LDLRAD1: variants seen among roughly 807,000 people sequenced by gnomAD.
LDLRAD1 encodes the protein low density lipoprotein receptor class A domain containing 1, also known as low-density lipoprotein receptor class A domain-containing protein 1.
A neutral mutation model predicts 24.8 loss-of-function variants in LDLRAD1; 17 were observed. The observed-to-expected ratio is 0.69, with a 90% CI of 0.47 to 1.03. The LOEUF is 1.03. LDLRAD1 is among the 50% of genes least tolerant of loss of function. The pLI, the probability that LDLRAD1 is intolerant of heterozygous loss-of-function variation, is 0.00. For missense variants in LDLRAD1, 277 were observed against 271.0 expected (o/e 1.02, Z -0.16); for synonymous variants, 103 against 108.2 (o/e 0.95, Z 0.30).
At chr1:54,013,765 C>G (rs556137105) in intron 3 of LDLRAD1, among the ~76,000 whole-genome samples, 1 of 152,278 alleles carries the variant, frequency 6.6e-6, no homozygotes, top group Admixed American at 6.5e-5. Context: ...AGACGGCTCT[C>G]GGAACAGTTA....
intron 4 of LDLRAD1, among the ~76,000 whole-genome samples, chr1:54,010,618 T>C (rs1396592299): frequency 6.6e-6 from 1 of 151,930 alleles, no homozygotes; most frequent in East Asian, 1.9e-4. Flanking sequence ...GGCCCAGAGA[T>C]CTGCCCCTCC....
In LDLRAD1 at chr1:54,008,735, A is replaced by G. The variant is rs557850816; in HGVS notation, c.*247T>C. 8.4e-5 allele frequency: 35 copies of G among 418,172 alleles called. No homozygotes were observed. The highest frequency in any genetic ancestry group is 1.4e-4 in the Non-Finnish European group (33 of 229,814). The allele number at this position is 418,172 out of a possible 1,614,324, so 25.9% of individuals were successfully genotyped here. A position where few individuals can be genotyped will look rare whatever the true frequency, so the allele number is the denominator to read the frequency against. On this transcript the variant is annotated 3_prime_UTR_variant, in exon 6 of 6. Coordinates refer to ENST00000371360, the MANE Select transcript of LDLRAD1 (RefSeq NM_001010978.4). Reference sequence around the variant, plus strand: ...TGGCTAATTTTTGTATTTTTGGTAGAGACGGGGTTCCACCACATCATCTTT... The same window carrying G: ...TGGCTAATTTTTGTATTTTTGGTAGGGACGGGGTTCCACCACATCATCTTT...
At position 54,010,404 on chromosome 1, in the gene LDLRAD1, A is replaced by G. The variant is rs1656000882; in HGVS notation, c.347T>C (p.Val116Ala). 1 of 1,613,844 alleles carries G rather than the reference A, an allele frequency of 6.2e-7. No individual in the cohort carries two copies. Among genetic ancestry groups the G allele is most frequent in the South Asian group, 1.1e-5 (1 of 91,086 alleles). ...AAGGAAGTGGGGGAGGCTCTGGGGC[A>G]CATCTCCTGTAGAGGTACAGAGGAG... The part of the protein sequence containing the change: ...EDEDESLCRD[V>A]PQSLPHFLVA... Residue 116 changes from valine to alanine, a missense_variant, in exon 5 of 6, where the codon GTG becomes GCG. Physicochemically the swap from Val to Ala is moderately conservative, Grantham distance 64. Coordinates refer to ENST00000371360, the MANE Select transcript of LDLRAD1 (RefSeq NM_001010978.4).
In LDLRAD1 at chr1:54,009,047, G is replaced by A. The variant is rs1655931592; in HGVS notation, c.553C>T (p.Leu185Phe). 1 of 1,613,980 alleles carries A rather than the reference G, an allele frequency of 6.2e-7. No individual in the cohort carries two copies. Among genetic ancestry groups the A allele is most frequent in the African/African-American group, 1.3e-5 (1 of 74,910 alleles). Residue 185 changes from leucine (L) to phenylalanine (F), a missense_variant, in exon 6 of 6, where the codon CTC (leucine) becomes TTC (phenylalanine). Transcript: ENST00000371360. Reference sequence around the variant, plus strand: ...CAGTGCTGTACATGGTCGCGGCAGAGATGCCTCGGTATACAGTCGCAGTAC... The same window carrying A: ...CAGTGCTGTACATGGTCGCGGCAGAAATGCCTCGGTATACAGTCGCAGTAC... ...FKYCDCIPRH[L>F]CRDHVQHCSD...
In LDLRAD1 at chr1:54,017,357, A is replaced by AG. The variant is rs1557665148; in HGVS notation, c.73+18dup. 6.3e-7 allele frequency: 1 copy of AG among 1,587,910 alleles called. No individual in the cohort carries two copies. Among genetic ancestry groups the AG allele is most frequent in the African/African-American group, 1.3e-5 (1 of 74,462 alleles). ...GGGAGCCCCACAGGGCACTGGCCCCAGGCCCTCCAGTTCTTTACCTTCCCC... is the reference window on the plus strand; with the variant it reads ...GGGAGCCCCACAGGGCACTGGCCCCAGGGCCCTCCAGTTCTTTACCTTCCCC... On this transcript the variant is annotated intron_variant, in intron 2 of 5. Coordinates refer to ENST00000371360, the MANE Select transcript of LDLRAD1 (RefSeq NM_001010978.4).
At chr1:54,014,646 C>T (rs1278622915) in intron 2 of LDLRAD1, among the ~76,000 whole-genome samples, 1 of 147,302 alleles carries the variant, frequency 6.8e-6, no homozygotes, top group Non-Finnish European at 1.5e-5. Context: ...CAGGAGACTT[C>T]CTCAGGACGC....
In LDLRAD1 at chr1:54,008,164, A is replaced by G. The variant is rs578180799; in HGVS notation, c.*818T>C. 2.6e-5 allele frequency: 4 copies of G among 152,242 alleles called. No individual in the cohort carries two copies. The highest frequency in any genetic ancestry group is 5.9e-5 in the Non-Finnish European group (4 of 68,088). 9.4% of individuals were successfully genotyped at this position (152,242 alleles called of 1,614,324 possible). A position where few individuals can be genotyped will look rare whatever the true frequency, so the allele number is the denominator to read the frequency against. ...AAGCTGCTCTTTCTCCAGATCTTCT[A>G]TTCTACAGCTCAGAGCTTCCTGGGG... On this transcript the variant is annotated 3_prime_UTR_variant, in exon 6 of 6. Coordinates refer to ENST00000371360, the MANE Select transcript of LDLRAD1 (RefSeq NM_001010978.4).
In LDLRAD1 at chr1:54,009,133, G is replaced by T. The variant is rs1023053199; in HGVS notation, c.470-3C>A. On this transcript the variant is annotated splice_region_variant and splice_polypyrimidine_tract_variant and intron_variant, in intron 5 of 5. Transcript: ENST00000371360. ...GCCGCAGGGTGGGCACACAGTTACT[G>T]CAGAGACAAGAGCCAGCAGGAGAGC... 1.9e-6 allele frequency: 3 copies of T among 1,613,500 alleles called. No homozygotes were observed. Among genetic ancestry groups the T allele is most frequent in the Non-Finnish European group, 2.5e-6 (3 of 1,179,852 alleles).
Position 54,008,983 on chromosome 1 carries a change from C to G in LDLRAD1, c.617G>C (p.Ter206SerextTer25), listed in dbSNP as rs765605418. The G allele has an allele frequency of 5.6e-6, 9 of 1,610,898 alleles. No homozygotes were observed. The South Asian group carries it at 9.9e-5, about 18-fold the overall frequency. Residue 206 changes from the stop codon to serine (S), a stop_lost, in exon 6 of 6, where the codon TGA (stop) becomes TCA (serine). Coordinates refer to ENST00000371360, the MANE Select transcript of LDLRAD1 (RefSeq NM_001010978.4). ...WSDEYACPGP* is the reference protein window; with the variant it reads ...WSDEYACPGPS ...TCCATGCTGGCCTGAGTGGCCCACT[C>G]AGGGTCCGGGACAGGCATACTCATC...
At chr1:54,013,513 G>A (rs1159633573) in intron 3 of LDLRAD1, among the ~76,000 whole-genome samples, 1 of 151,122 alleles carries the variant, frequency 6.6e-6, no homozygotes, top group Non-Finnish European at 1.5e-5. Flanking sequence ...CAGCCTGTGA[G>A]GCCCTTGGCA....
At chr1:54,013,142 A>G (rs1299659585) in intron 3 of LDLRAD1, among the ~76,000 whole-genome samples, 1 of 152,100 alleles carries the variant, frequency 6.6e-6, no homozygotes. Flanking sequence ...ACATGCTCAC[A>G]CACACACTGC....
chr1:54,009,749 G>A (rs541137480), intron 5 of LDLRAD1, among the ~76,000 whole-genome samples: 1 of 152,184 alleles, frequency 6.6e-6, no homozygotes, highest in South Asian at 2.1e-4. Flanking sequence ...CTCAGAACAT[G>A]TTTGTTGATT....
chr1:54,014,388 G>T (rs990126746), intron 2 of LDLRAD1, 24 bp from the exon 3 acceptor site: 14 of 1,543,962 alleles, frequency 9.1e-6, no homozygotes, highest in Non-Finnish European at 1.2e-5. Flanking sequence ...AAACAAGCCC[G>T]GGGGTGGTGG....
intron 3 of LDLRAD1, among the ~76,000 whole-genome samples, chr1:54,012,503 G>A (rs1027006050): frequency 1.3e-5 from 2 of 152,150 alleles, no homozygotes; most frequent in Admixed American, 1.3e-4. Flanking sequence ...TTGCAACATG[G>A]GAATCATAGC....
At chr1:54,013,182 AGAC>A (rs1656135485) in intron 3 of LDLRAD1, among the ~76,000 whole-genome samples, 2 of 152,088 alleles carry the variant, frequency 1.3e-5, no homozygotes, top group South Asian at 4.1e-4. Context: ...ACAGATACAC[AGAC>A]AACAGATGTG....
In LDLRAD1 at chr1:54,014,252, G is replaced by T; in HGVS notation, c.186C>A (p.Leu62=). 1 of 1,562,632 alleles carries T rather than the reference G, an allele frequency of 6.4e-7. No homozygotes were observed. Among genetic ancestry groups the T allele is most frequent in the East Asian group, 2.4e-5 (1 of 42,268 alleles). The change falls in exon 3 of 6, where the codon CTC becomes CTA. Residue 62 remains leucine (L), a synonymous_variant. Coordinates refer to ENST00000371360, the MANE Select transcript of LDLRAD1 (RefSeq NM_001010978.4). ...CGCCCTGACCTGGGGTGCATGATGG[G>T]AGTCCAAGAATGGTGACCAAGGCGA... ...ALIALVTILG[L]PSCTPGAQAC...
At chr1:54,009,247 C>T (rs879080180) in intron 5 of LDLRAD1, 117 bp from the exon 6 acceptor site, 13 of 927,170 alleles carry the variant, frequency 1.4e-5, no homozygotes, top group African/African-American at 8.2e-5. Context: ...ACCCATCTGA[C>T]GTGAGTTGAG....
chr1:54,010,184 G>A (rs1655984740), intron 5 of LDLRAD1, 98 bp downstream of exon 5: 25 of 1,373,876 alleles, frequency 1.8e-5, no homozygotes, highest in Non-Finnish European at 1.9e-5. Context: ...ATGCAGGGAA[G>A]CATGCAAGGG....
rs544114152 is a variant in LDLRAD1, at chr1:54,009,038, C to G, written c.562G>C (p.Asp188His). 19 of 1,614,032 alleles carry G rather than the reference C, an allele frequency of 1.2e-5. No homozygotes were observed. Among genetic ancestry groups the G allele is most frequent in the Non-Finnish European group, 1.6e-5 (19 of 1,180,008 alleles). ...CDCIPRHLCRDHVQHCSDWSD... is the reference protein window; with the variant it reads ...CDCIPRHLCRHHVQHCSDWSD... ...CAGTCGGAGCAGTGCTGTACATGGT[C>G]GCGGCAGAGATGCCTCGGTATACAG... The change falls in exon 6 of 6, where the codon GAC becomes CAC. Residue 188 changes from aspartate to histidine, a missense_variant. Coordinates refer to ENST00000371360, the MANE Select transcript of LDLRAD1 (RefSeq NM_001010978.4).
Sources: gnomAD v4.1 joint callset for allele counts (sites outside exome capture counted in the v4.1 genomes callset) on GRCh38, gnomAD v4.1.1 for gene constraint, MANE v1.5 for transcripts, NCBI Gene and HGNC (gene_info 2026-07-23, HGNC 2026-07-21) for gene names.